MYO15B: variants seen among roughly 807,000 people sequenced by gnomAD.
The protein encoded by MYO15B is myosin XVB, also known as myosin XVB pseudogene.
In MYO15B, 207 loss-of-function variants were observed where a neutral mutation model predicts 119.3. That is an observed-to-expected ratio of 1.73 (90% CI 1.55 to 1.95). The LOEUF (loss-of-function observed/expected upper bound fraction) is 1.95. MYO15B is among the 30% of genes most tolerant of loss of function. MYO15B has a pLI of 0.00. For synonymous variants in MYO15B, 966 were observed against 498.9 expected (o/e 1.94, Z -12.48); for missense variants, 2,264 against 1,203.1 (o/e 1.88, Z -13.04).
chr17:75,615,824 GC>G lies in MYO15B; in HGVS notation c.5976del (p.Thr1993HisfsTer17), dbSNP rs1598878093. On this transcript the variant is annotated frameshift_variant, in exon 36 of 64. Transcript: ENST00000645453. LOFTEE classifies it high-confidence loss of function. Reference sequence around the variant, plus strand: ...CAGCCGTCACCTCCAAGCCCAGGAAGCCCCCCACACCCCCGGAGAAGCCACA... The same window carrying G: ...CAGCCGTCACCTCCAAGCCCAGGAAGCCCCCACACCCCCGGAGAAGCCACA... 2.8e-6 allele frequency: 2 copies of G among 702,452 alleles called. No homozygotes were observed. Among genetic ancestry groups the G allele is most frequent in the South Asian group, 1.5e-5 (1 of 67,568 alleles). 43.5% of individuals were successfully genotyped at this position (702,452 alleles called of 1,614,324 possible).
chr17:75,623,447 T>C (rs187000909), intron 53 of MYO15B, among the ~76,000 whole-genome samples: 260 of 152,246 alleles, frequency 1.7e-3, no homozygotes, highest in Non-Finnish European at 2.9e-3. Context: ...CTGGCCAACG[T>C]AGTGAAACCC....
At position 75,588,210 on chromosome 17, in the gene MYO15B, G is replaced by A. The variant is rs528485171; in HGVS notation, c.153G>A (p.Ala51=). The A allele has an allele frequency of 8.6e-4, 344 of 398,072 alleles. 3 individuals are homozygous for A. The East Asian group carries it at 0.012, about 14-fold the overall frequency. The allele number at this position is 398,072 out of a possible 1,614,324, so 24.7% of individuals were successfully genotyped here. ...GGCAGGCGGACAGGGCGAAACCGGC[G>A]GCCGAGCCTGCCACCGCCGGGGGCC... Residue 51 remains alanine, a synonymous_variant, in exon 1 of 64, where the codon GCG becomes GCA. Coordinates refer to ENST00000645453, the Ensembl canonical transcript of MYO15B.
exon 39 of MYO15B, chr17:75,616,570 A>T (rs2058385643): frequency 4.3e-6 from 3 of 702,976 alleles, no homozygotes; most frequent in Non-Finnish European, 7.8e-6. Flanking sequence ...CATTGAAGCA[A>T]GGTGGGGCCA....
chr17:75,620,794 C>G (rs1598913370), intron 49 of MYO15B, 158 bp downstream of exon 49: 1 of 701,696 alleles, frequency 1.4e-6, no homozygotes, highest in Non-Finnish European at 2.6e-6. Context: ...CTCGCCTTGT[C>G]TCTCCAGCAA....
At position 75,606,136 on chromosome 17, in the gene MYO15B, C is replaced by T; in HGVS notation, c.4292+115C>T. ...GGGCCTCAAGGCAAGTCATCCTGCC[C>T]CAGTGCCATCTCATCGGCATGTGAC... On this transcript the variant is annotated intron_variant, in intron 21 of 63. Transcript: ENST00000645453. 3 of 586,818 alleles carry T rather than the reference C, an allele frequency of 5.1e-6. No homozygotes were observed. In the South Asian group the frequency reaches 6.0e-5, roughly 12 times the overall value. 36.4% of individuals were successfully genotyped at this position (586,818 alleles called of 1,614,324 possible). A position where few individuals can be genotyped will look rare whatever the true frequency, so the allele number is the denominator to read the frequency against.
chr17:75,623,515 T>C (rs1424881895), intron 53 of MYO15B, among the ~76,000 whole-genome samples: 1 of 152,136 alleles, frequency 6.6e-6, no homozygotes, highest in Non-Finnish European at 1.5e-5. Context: ...CTATTAATAC[T>C]TGGGAGGCTG....
chr17:75,623,956 T>C (rs1376154248), exon 55 of MYO15B: 4 of 702,896 alleles, frequency 5.7e-6, no homozygotes, highest in African/African-American at 1.7e-5. Flanking sequence ...CAGGGAACAC[T>C]GCACTCGAGG....
exon 22 of MYO15B, chr17:75,610,233 C>T (rs1357158398): frequency 1.4e-6 from 1 of 701,178 alleles, no homozygotes; most frequent in South Asian, 1.5e-5. Flanking sequence ...GGCCCAGCCC[C>T]TGCTCCAGAG....
Position 75,605,655 on chromosome 17 carries a change from C to G in MYO15B, c.4134+34C>G, listed in dbSNP as rs112168478. 503 of 701,366 alleles carry G rather than the reference C, an allele frequency of 7.2e-4. 2 individuals carry two copies. In the African/African-American group the frequency reaches 7.5e-3, roughly 10 times the overall value. 43.4% of individuals were successfully genotyped at this position (701,366 alleles called of 1,614,324 possible). ...GTGTATCCCTGTGTGCAGAGGGCAG[C>G]ATGAATGGGAAAGGAGAGGTGCATT... On this transcript the variant is annotated intron_variant, in intron 20 of 63. Transcript: ENST00000645453.
At chr17:75,594,579 G>A (rs1284433149) in exon 10 of MYO15B, 4 of 662,506 alleles carry the variant, frequency 6.0e-6, no homozygotes, top group Non-Finnish European at 1.1e-5. Flanking sequence ...CTGTCACCAG[G>A]AGGGTCACGG....
At position 75,594,951 on chromosome 17, in the gene MYO15B, C is replaced by T. The variant is rs1185083127; in HGVS notation, c.3276C>T (p.Val1092=). The stretch of plus-strand genomic sequence containing the variant: ...GAGGCAGCATTGGCACCGTCACTGT[C>T]GTGGATGCCTACGGCTTTGAGGTCA... Residue 1092 remains valine, a synonymous_variant, in exon 12 of 64, where the codon GTC becomes GTT. Coordinates refer to ENST00000645453, the Ensembl canonical transcript of MYO15B. The T allele has an allele frequency of 7.1e-6, 5 of 702,906 alleles. No individual in the cohort carries two copies. In the Admixed American group the frequency reaches 1.0e-4, roughly 14 times the overall value. 43.5% of individuals were successfully genotyped at this position (702,906 alleles called of 1,614,324 possible).
At chr17:75,601,367 C>G (rs879880064) in intron 14 of MYO15B, 71 bp from the exon 15 acceptor site, 1 of 686,652 alleles carries the variant, frequency 1.5e-6, no homozygotes, top group Admixed American at 2.1e-5. Flanking sequence ...CTCGTGCTCA[C>G]CGGGAGAGGG....
intron 34 of MYO15B, 53 bp downstream of exon 34, chr17:75,615,391 C>A: frequency 1.5e-6 from 1 of 688,162 alleles, no homozygotes; most frequent in South Asian, 1.5e-5. Context: ...CAGCCACCAG[C>A]TCTGGGACTG....
intron 53 of MYO15B, 104 bp downstream of exon 53, chr17:75,622,184 T>C: frequency 3.0e-6 from 2 of 671,850 alleles, no homozygotes. Flanking sequence ...CATTCCAAAG[T>C]ATTTACTGAG....
Position 75,588,913 on chromosome 17 carries a change from G to A in MYO15B, c.856G>A (p.Gly286Ser), listed in dbSNP as rs979672729. Residue 286 changes from glycine to serine, a missense_variant, in exon 1 of 64, where the codon GGC becomes AGC. Physicochemically the swap from Gly to Ser is moderately conservative, Grantham distance 56. Coordinates refer to ENST00000645453, the Ensembl canonical transcript of MYO15B. ...CGCGAGCGACAACCGGGCGCAGCGG[G>A]GCGCCGAGCCAGAAACAATGCAGGC... 27 of 398,430 alleles carry A rather than the reference G, an allele frequency of 6.8e-5. No individual in the cohort carries two copies. The Admixed American group carries it at 1.1e-3, about 16-fold the overall frequency. The allele number at this position is 398,430 out of a possible 1,614,324, so 24.7% of individuals were successfully genotyped here. A position where few individuals can be genotyped will look rare whatever the true frequency, so the allele number is the denominator to read the frequency against.
intron 14 of MYO15B, among the ~76,000 whole-genome samples, chr17:75,597,881 A>C (rs536111995): frequency 2.5e-3 from 374 of 152,288 alleles, no homozygotes; most frequent in African/African-American, 8.5e-3. Flanking sequence ...ATGCCACTGC[A>C]CTCCAGCCTG....
At chr17:75,617,958 T>C (rs2058479942) in intron 42 of MYO15B, 36 bp downstream of exon 42, 1 of 699,198 alleles carries the variant, frequency 1.4e-6, no homozygotes, top group Non-Finnish European at 2.6e-6. Context: ...CTGGCCTCTT[T>C]GGGCTGGCAG....
chr17:75,625,314 G>A (rs898943465), intron 60 of MYO15B, 76 bp downstream of exon 60: 2 of 645,300 alleles, frequency 3.1e-6, no homozygotes, highest in Non-Finnish European at 5.7e-6. Flanking sequence ...TACCCTTCCT[G>A]GCCCTAAATG....
rs1272101525 is a variant in MYO15B, at chr17:75,596,571, G to A, written c.3393+16G>A. 4 of 702,838 alleles carry A rather than the reference G, an allele frequency of 5.7e-6. No individual in the cohort carries two copies. The highest frequency in any genetic ancestry group is 2.0e-5 in the Admixed American group (1 of 49,994). 43.5% of individuals were successfully genotyped at this position (702,838 alleles called of 1,614,324 possible). On this transcript the variant is annotated intron_variant, in intron 13 of 63. Coordinates refer to ENST00000645453, the Ensembl canonical transcript of MYO15B. ...CCAGGAGGAGGTAAGAGGATTGGGCGTGGACGTGGCAGGGGCCGCTCAGGC... is the reference window on the plus strand; with the variant it reads ...CCAGGAGGAGGTAAGAGGATTGGGCATGGACGTGGCAGGGGCCGCTCAGGC...
Sources: gnomAD v4.1 joint callset for allele counts (sites outside exome capture counted in the v4.1 genomes callset) on GRCh38, gnomAD v4.1.1 for gene constraint, MANE v1.5 for transcripts, NCBI Gene and HGNC (gene_info 2026-07-23, HGNC 2026-07-21) for gene names.